Variants in GLIS3 observed in about 807,000 individuals in gnomAD.
The protein encoded by GLIS3 is GLIS family zinc finger 3.
GLIS3 carries 53 observed loss-of-function variants against 78.6 expected under a neutral mutation model. The ratio of observed to expected loss-of-function variants is 0.67; its 90% confidence interval spans 0.54 to 0.85. The LOEUF is 0.85. Among genes scored for constraint, GLIS3 ranks in the 40% least tolerant of loss-of-function variants. The pLI, the probability that GLIS3 is intolerant of heterozygous loss-of-function variation, is 0.00. For missense variants in GLIS3, 1,703 were observed against 1,231.1 expected (o/e 1.38, Z -5.74); for synonymous variants, 684 against 509.9 (o/e 1.34, Z -4.60).
At chr9:4,236,074 G>T (rs1822706291) in intron 2 of GLIS3, among the ~76,000 whole-genome samples, 1 of 149,458 alleles carries the variant, frequency 6.7e-6, no homozygotes, top group Non-Finnish European at 1.5e-5. Flanking sequence ...AGCCTTTGTT[G>T]ACAACTGGAG....
Position 4,118,048 on chromosome 9 carries a change from G to C in GLIS3, c.1430C>G (p.Ala477Gly). The part of the protein sequence containing the change: ...HLHHPELGPH[A>G]QQLALPQATL... ...GGCCTGGGGCAAGGCCAGCTGCTGG[G>C]CGTGGGGCCCGAGCTCCGGGTGGTG... is the stretch of plus-strand genomic sequence containing the variant. The change falls in exon 4 of 11, where the codon GCC becomes GGC. Residue 477 changes from alanine to glycine, a missense_variant. Ala to Gly is a moderately conservative substitution (Grantham distance 60, BLOSUM62 0). Coordinates refer to ENST00000381971, the MANE Select transcript of GLIS3 (RefSeq NM_001042413.2). The surrounding 1 kb of genome is among the most constrained non-coding windows in gnomAD (Gnocchi z 4.7). The C allele has an allele frequency of 6.3e-7, 1 of 1,591,170 alleles. No homozygotes were observed. Among genetic ancestry groups the C allele is most frequent in the Non-Finnish European group, 8.6e-7 (1 of 1,168,526 alleles).
intron 2 of GLIS3, among the ~76,000 whole-genome samples, chr9:4,216,626 G>C (rs1375404018): frequency 6.6e-6 from 1 of 152,080 alleles, no homozygotes; most frequent in Non-Finnish European, 1.5e-5. Context: ...CCATTTATGA[G>C]TTCATGGTGA....
At chr9:4,091,288 G>C (rs977799043) in intron 4 of GLIS3, among the ~76,000 whole-genome samples, 25 of 152,076 alleles carry the variant, frequency 1.6e-4, no homozygotes, top group African/African-American at 5.8e-4. Context: ...GATCTCTTGA[G>C]CCTGGGAGTT....
the GLIS3 span, among the ~76,000 whole-genome samples, chr9:4,407,461 C>G: frequency 3.9e-5 from 6 of 152,098 alleles, no homozygotes; most frequent in Non-Finnish European, 8.8e-5. Context: ...CTGGCTAACA[C>G]TGTGAAACCC....
At chr9:4,207,672 C>T (rs745763226) in intron 2 of GLIS3, among the ~76,000 whole-genome samples, 2 of 152,120 alleles carry the variant, frequency 1.3e-5, no homozygotes, top group Non-Finnish European at 1.5e-5. Flanking sequence ...ATTGTGCCTG[C>T]ATCGCAGATG....
chr9:4,199,569 A>G (rs1488884560), intron 2 of GLIS3, among the ~76,000 whole-genome samples: 2 of 138,516 alleles, frequency 1.4e-5, no homozygotes, highest in Non-Finnish European at 3.0e-5. Context: ...GGTAATACAT[A>G]AAAAAAAAAG....
chr9:4,105,273 G>A (rs1217505178), intron 4 of GLIS3, among the ~76,000 whole-genome samples: 1 of 152,108 alleles, frequency 6.6e-6, no homozygotes, highest in South Asian at 2.1e-4. Flanking sequence ...ATCCCCCATT[G>A]GAGACACCTT....
chr9:4,328,823 C>T (rs1254272815), intron 2 of GLIS3, among the ~76,000 whole-genome samples: 1 of 152,216 alleles, frequency 6.6e-6, no homozygotes, highest in Non-Finnish European at 1.5e-5. Flanking sequence ...GCATTTAGAT[C>T]AGTGCCCGGC....
intron 4 of GLIS3, among the ~76,000 whole-genome samples, chr9:4,058,759 T>C (rs1001748353): frequency 6.6e-6 from 1 of 152,044 alleles, no homozygotes; most frequent in African/African-American, 2.4e-5. Flanking sequence ...GGCGGGCGGA[T>C]CACGAGGTCA....
intron 4 of GLIS3, among the ~76,000 whole-genome samples, chr9:4,103,749 T>C (rs750622666): frequency 2.6e-5 from 4 of 152,154 alleles, no homozygotes; most frequent in Non-Finnish European, 5.9e-5. Flanking sequence ...AGGGTGGAAA[T>C]CAATGTATTC....
In GLIS3 at chr9:4,322,278, C is replaced by G. The variant is rs368723369; in HGVS notation, n.265-11750G>C. ...CACATTTTCTTAATCCAGTCTATCA[C>G]TGATGGACATTTGGGTTGGTTCGAA... is the stretch of plus-strand genomic sequence containing the variant. On this transcript the variant is annotated intron_variant and non_coding_transcript_variant, in intron 2 of 4. Transcript: ENST00000471664. Among the ~76,000 whole-genome samples, 30 of 152,284 alleles carry G rather than the reference C, an allele frequency of 2.0e-4. 1 individual carries two copies. In the South Asian group the frequency reaches 5.4e-3, roughly 27 times the overall value.
intron 8 of GLIS3, among the ~76,000 whole-genome samples, chr9:3,868,459 G>C (rs1820752114): frequency 6.6e-6 from 1 of 152,050 alleles, no homozygotes; most frequent in Non-Finnish European, 1.5e-5. Context: ...GGACAAAACT[G>C]TCTTTACAAA....
chr9:3,834,417 T>A (rs1280842668), intron 9 of GLIS3, among the ~76,000 whole-genome samples: 1 of 152,218 alleles, frequency 6.6e-6, no homozygotes, highest in Non-Finnish European at 1.5e-5. Context: ...TAGCTACATG[T>A]GGTTATTACA....
intron 3 of GLIS3, among the ~76,000 whole-genome samples, chr9:4,309,182 C>T (rs925283622): frequency 2.0e-5 from 3 of 152,188 alleles, no homozygotes; most frequent in South Asian, 2.1e-4. Context: ...GCCCGTGCCT[C>T]GTTTACAACT....
chr9:4,480,470 G>A, the GLIS3 span, among the ~76,000 whole-genome samples: 1 of 152,004 alleles, frequency 6.6e-6, no homozygotes, highest in African/African-American at 2.4e-5. Context: ...CAAAGTGCTA[G>A]GATTATAGGC....
chr9:4,129,728 T>C lies in GLIS3; in HGVS notation c.389-3787A>G, dbSNP rs141681945. 4.1e-3 allele frequency among the ~76,000 whole-genome samples: 624 copies of C among 152,324 alleles called. 4 individuals carry two copies. The highest frequency in any genetic ancestry group is 0.012 in the African/African-American group (487 of 41,556). On this transcript the variant is annotated intron_variant, in intron 2 of 10. Transcript: ENST00000381971. ...AATTAGCCAGGCTCGGGTATTTCTT[T>C]ATAGCAATGCGAGAACAGACTAATA...
At chr9:4,084,859 C>T (rs972305608) in intron 4 of GLIS3, among the ~76,000 whole-genome samples, 4 of 151,828 alleles carry the variant, frequency 2.6e-5, no homozygotes, top group African/African-American at 9.7e-5. Context: ...AGGAATCTTC[C>T]AAAATGCTTG....
In GLIS3 at chr9:3,824,750, A is replaced by G. The variant is rs181298061; in HGVS notation, c.*3522T>C. 2 of 152,718 alleles carry G rather than the reference A, an allele frequency of 1.3e-5. No individual in the cohort carries two copies. The highest frequency in any genetic ancestry group is 1.9e-4 in the East Asian group (1 of 5,178). The allele number at this position is 152,718 out of a possible 1,614,324, so 9.5% of individuals were successfully genotyped here. A position where few individuals can be genotyped will look rare whatever the true frequency, so the allele number is the denominator to read the frequency against. ...TTTCTCTACGTGAGTGTATATAACT[A>G]TGTACAAGAGTCTGTGTGATTTATG... On this transcript the variant is annotated 3_prime_UTR_variant, in exon 11 of 11. Transcript: ENST00000381971.
chr9:3,920,000 G>GTTTT lies in GLIS3; in HGVS notation c.1983+12356_1983+12359dup, dbSNP rs35461429. Among the ~76,000 whole-genome samples the GTTTT allele has an allele frequency of 1.1e-4, 9 of 79,608 alleles. 1 individual carries two copies. The highest frequency in any genetic ancestry group is 3.4e-4 in the African/African-American group (8 of 23,232). The allele number at this position is 79,608 out of a possible 152,430, so 52.2% of individuals were successfully genotyped here. ...TAATGGCATCCATTATGCTATTACA[G>GTTTT]TTTTTTTTTTTTTTTTTTTTTGAGA... On this transcript the variant is annotated intron_variant, in intron 6 of 10. Coordinates refer to ENST00000381971, the MANE Select transcript of GLIS3 (RefSeq NM_001042413.2).
Sources: gnomAD v4.1 joint callset for allele counts (sites outside exome capture counted in the v4.1 genomes callset) on GRCh38, gnomAD v4.1.1 for gene constraint, Gnocchi (gnomAD v3.1) non-coding constraint, MANE v1.5 for transcripts, NCBI Gene and HGNC (gene_info 2026-07-23, HGNC 2026-07-21) for gene names.